Variants in MS4A15 observed in about 807,000 individuals in gnomAD.
The protein encoded by MS4A15 is membrane spanning 4-domains A15.
In MS4A15, 22 loss-of-function variants were observed where a neutral mutation model predicts 20.6. The observed-to-expected ratio is 1.07, with a 90% CI of 0.76 to 1.52. MS4A15 has a LOEUF of 1.52. MS4A15 is among the 40% of genes most tolerant of loss of function. MS4A15 has a pLI of 0.00. For synonymous variants in MS4A15, 129 were observed against 129.3 expected, an observed-to-expected ratio of 1.00 and a Z score of 0.02; for missense variants, 312 against 323.0, an observed-to-expected ratio of 0.97 and a Z score of 0.26.
intron 1 of MS4A15, 135 bp from the exon 2 acceptor site, chr11:60,763,571 C>T: frequency 1.4e-6 from 1 of 695,324 alleles, no homozygotes; most frequent in South Asian, 1.9e-5. Flanking sequence ...GTCTCAGCTT[C>T]CCCAGCTTTG....
rs1854092743 is a variant in MS4A15, at chr11:60,773,394, G to A, written c.408G>A (p.Val136=). The change falls in exon 5 of 7, where the codon GTG becomes GTA. Residue 136 remains valine (V), a splice_region_variant and synonymous_variant. Transcript: ENST00000405633. The part of the protein sequence containing the change: ...AAEKNHTSCL[V]RSSLGTNILS... ...TCCTGTCTCTCTGCTCTCTGCAGGTGAGGAGCAGCCTGGGCACCAACATCC... is the reference window on the plus strand; with the variant it reads ...TCCTGTCTCTCTGCTCTCTGCAGGTAAGGAGCAGCCTGGGCACCAACATCC... The A allele has an allele frequency of 6.2e-7, 1 of 1,612,060 alleles. No individual in the cohort carries two copies. Among genetic ancestry groups the A allele is most frequent in the Non-Finnish European group, 8.5e-7 (1 of 1,179,354 alleles).
At chr11:60,763,085 C>T (rs1590976246) in intron 1 of MS4A15, among the ~76,000 whole-genome samples, 2 of 152,186 alleles carry the variant, frequency 1.3e-5, no homozygotes, top group South Asian at 4.1e-4. Flanking sequence ...GCTCGAGGCC[C>T]ACTCAGCTGG....
intron 2 of MS4A15, 137 bp from the exon 3 acceptor site, chr11:60,767,396 C>T: frequency 1.8e-6 from 2 of 1,139,014 alleles, no homozygotes; most frequent in Non-Finnish European, 2.4e-6. Context: ...AATATCGCCT[C>T]TAAAGAACAG....
At chr11:60,769,503 T>C (rs564211529) in intron 3 of MS4A15, among the ~76,000 whole-genome samples, 1 of 152,304 alleles carries the variant, frequency 6.6e-6, no homozygotes, top group African/African-American at 2.4e-5. Flanking sequence ...TCTCTGGGGC[T>C]TGACTTTCTC....
chr11:60,773,691 G>T, intron 5 of MS4A15, 146 bp from the exon 6 acceptor site: 2 of 793,258 alleles, frequency 2.5e-6, no homozygotes, highest in African/African-American at 1.7e-5. Context: ...GTGAAGGGGA[G>T]GGTGCAGGAC....
intron 2 of MS4A15, among the ~76,000 whole-genome samples, chr11:60,767,292 G>A (rs1393725138): frequency 6.6e-6 from 1 of 152,238 alleles, no homozygotes; most frequent in Non-Finnish European, 1.5e-5. Context: ...GCAGAAAACA[G>A]GAGGCAGGCT....
At chr11:60,770,052 C>G (rs1037034869) in intron 3 of MS4A15, among the ~76,000 whole-genome samples, 1 of 152,216 alleles carries the variant, frequency 6.6e-6, no homozygotes, top group Non-Finnish European at 1.5e-5. Flanking sequence ...CCTCTCAGCT[C>G]GGCAGACGCA....
intron 1 of MS4A15, among the ~76,000 whole-genome samples, chr11:60,759,387 G>C (rs774218582): frequency 5.9e-5 from 9 of 152,212 alleles, no homozygotes; most frequent in Non-Finnish European, 1.2e-4. Context: ...ATTAACCAGG[G>C]ACACGATGCA....
chr11:60,773,194 T>G (rs974781817), intron 4 of MS4A15, among the ~76,000 whole-genome samples, 198 bp from the exon 5 acceptor site: 1 of 151,790 alleles, frequency 6.6e-6, no homozygotes, highest in African/African-American at 2.4e-5. Flanking sequence ...CAACAAGACC[T>G]CCTCCCGAGG....
rs1003074039 is a variant in MS4A15 at position 60,759,052 on chromosome 11, A to T, written c.-29+1994A>T. ...CTTGCACATGTGAAGGGCATTACTA[A>T]TGAACCCCTACTAGCTTTGTTTCTT... On this transcript the variant is annotated intron_variant, in intron 1 of 6. Transcript: ENST00000405633. Among the ~76,000 whole-genome samples, 8 of 152,240 alleles carry T rather than the reference A, an allele frequency of 5.3e-5. No homozygotes were observed. The East Asian group carries it at 1.5e-3, about 29-fold the overall frequency.
chr11:60,758,423 A>G (rs1853645120), intron 1 of MS4A15, among the ~76,000 whole-genome samples: 1 of 152,250 alleles, frequency 6.6e-6, no homozygotes, highest in African/African-American at 2.4e-5. Context: ...TTGGCTTTTG[A>G]AAAAGCAAAT....
intron 2 of MS4A15, 87 bp from the exon 3 acceptor site, chr11:60,767,446 G>C (rs1853909746): frequency 1.4e-6 from 2 of 1,390,034 alleles, no homozygotes; most frequent in Non-Finnish European, 1.9e-6. Flanking sequence ...AGCGGGAGGA[G>C]GGCGGGGCCA....
intron 2 of MS4A15, among the ~76,000 whole-genome samples, chr11:60,764,907 TAAAA>T (rs573159942): frequency 6.8e-6 from 1 of 146,434 alleles, no homozygotes; most frequent in African/African-American, 2.5e-5. Flanking sequence ...AGACCCCATT[TAAAA>T]AAAAAAAGAA....
intron 1 of MS4A15, among the ~76,000 whole-genome samples, chr11:60,757,447 A>T (rs1853622795): frequency 6.6e-6 from 1 of 152,138 alleles, no homozygotes; most frequent in Admixed American, 6.6e-5. Context: ...CTTTGCCTGA[A>T]GGGAATTCAG....
At chr11:60,770,645 T>C (rs1251213912) in intron 3 of MS4A15, among the ~76,000 whole-genome samples, 3 of 151,306 alleles carry the variant, frequency 2.0e-5, no homozygotes, top group African/African-American at 4.9e-5. Context: ...AGAGATCTGG[T>C]CTGCCTTATT....
intron 1 of MS4A15, among the ~76,000 whole-genome samples, 168 bp from the exon 2 acceptor site, chr11:60,763,538 T>C (rs2134706384): frequency 6.6e-6 from 1 of 152,340 alleles, no homozygotes; most frequent in East Asian, 1.9e-4. Context: ...GCCCTTGACC[T>C]CAGACATCTT....
At chr11:60,774,243 C>T (rs577151070) in intron 6 of MS4A15, among the ~76,000 whole-genome samples, 3 of 151,018 alleles carry the variant, frequency 2.0e-5, no homozygotes, top group African/African-American at 4.9e-5. Context: ...AAGATCCTAT[C>T]GCTACAAAAA....
chr11:60,759,004 TG>T (rs1853659405), intron 1 of MS4A15, among the ~76,000 whole-genome samples: 1 of 152,210 alleles, frequency 6.6e-6, no homozygotes, highest in African/African-American at 2.4e-5. Flanking sequence ...GCTTATGCGG[TG>T]TGTAGTATTA....
intron 1 of MS4A15, among the ~76,000 whole-genome samples, chr11:60,762,003 G>A (rs1369837966): frequency 6.6e-6 from 1 of 152,178 alleles, no homozygotes; most frequent in Non-Finnish European, 1.5e-5. Context: ...GCCTGGAGCT[G>A]GGAAGGAGAT....
Sources: allele counts gnomAD v4.1 joint callset (sites outside exome capture counted in the v4.1 genomes callset), GRCh38; gene constraint gnomAD v4.1.1; transcripts MANE v1.5; gene names NCBI Gene and HGNC (gene_info 2026-07-23, HGNC 2026-07-21).